Variants in SPOCK1 observed in about 807,000 individuals in gnomAD.
The protein encoded by SPOCK1 is SPARC (osteonectin), cwcv and kazal like domains proteoglycan 1.
In SPOCK1, 23 loss-of-function variants were observed where a neutral mutation model predicts 55.3. The observed-to-expected ratio is 0.42, with a 90% confidence interval of 0.30 to 0.59. The LOEUF (loss-of-function observed/expected upper bound fraction) is 0.59. Ranked by LOEUF, SPOCK1 falls within the 20% of genes least tolerant of loss-of-function variation. The probability of loss-of-function intolerance (pLI) is 0.22; values close to 1 mark genes in which losing one functional copy is unlikely to be tolerated. For missense variants in SPOCK1, 499 were observed against 552.5 expected, an observed-to-expected ratio of 0.90 and a Z score of 0.97; for synonymous variants, 226 against 221.0, an observed-to-expected ratio of 1.02 and a Z score of -0.20.
At chr5:137,042,147 A>G (rs1379236214) in intron 6 of SPOCK1, among the ~76,000 whole-genome samples, 1 of 152,196 alleles carries the variant, frequency 6.6e-6, no homozygotes, top group Non-Finnish European at 1.5e-5. Context: ...ATCAAACTAC[A>G]AAAAGACCTA....
chr5:137,427,453 T>G (rs753404070), intron 2 of SPOCK1, among the ~76,000 whole-genome samples: 19 of 152,164 alleles, frequency 1.2e-4, no homozygotes, highest in Non-Finnish European at 1.9e-4. Flanking sequence ...GCCAAGGGCA[T>G]GGGCAAGGGC....
intron 2 of SPOCK1, among the ~76,000 whole-genome samples, chr5:137,480,624 G>A (rs1561546806): frequency 6.6e-6 from 1 of 152,190 alleles, no homozygotes; most frequent in African/African-American, 2.4e-5. Context: ...AATGGCCCAT[G>A]AGTGTGACAG....
chr5:137,405,590 T>C (rs1041066186), intron 2 of SPOCK1, among the ~76,000 whole-genome samples: 1 of 152,144 alleles, frequency 6.6e-6, no homozygotes, highest in African/African-American at 2.4e-5. Context: ...TAGAGGGCTC[T>C]TCCTGTTTCT....
In SPOCK1 at chr5:136,985,832, A is replaced by C. The variant is rs150331846; in HGVS notation, c.929-630T>G. 3.0e-4 allele frequency among the ~76,000 whole-genome samples: 45 copies of C among 152,322 alleles called. No individual in the cohort carries two copies. The East Asian group carries it at 6.8e-3, about 23-fold the overall frequency. ...ATGTCATAGAAAAGAAGTTAGTTTC[A>C]TTCTAAGCAAAATGAAAAGTGACCT... On this transcript the variant is annotated intron_variant, in intron 8 of 10. Coordinates refer to ENST00000394945, the MANE Select transcript of SPOCK1 (RefSeq NM_004598.4).
At chr5:137,209,250 T>G (rs1561472244) in intron 3 of SPOCK1, among the ~76,000 whole-genome samples, 1 of 152,224 alleles carries the variant, frequency 6.6e-6, no homozygotes, top group Non-Finnish European at 1.5e-5. Flanking sequence ...CCACAAAGAC[T>G]GTTTTTACTA....
intron 5 of SPOCK1, among the ~76,000 whole-genome samples, chr5:137,104,950 T>G (rs546068816): frequency 5.4e-4 from 82 of 152,316 alleles, no homozygotes; most frequent in Middle Eastern, 3.4e-3. Flanking sequence ...GGAAAAAATG[T>G]CTTCCACAAA....
chr5:137,092,938 C>T (rs965996645), intron 5 of SPOCK1, among the ~76,000 whole-genome samples: 1 of 152,158 alleles, frequency 6.6e-6, no homozygotes, highest in Non-Finnish European at 1.5e-5. Context: ...TCTAGGGTAT[C>T]GCATGGCCAA....
intron 2 of SPOCK1, among the ~76,000 whole-genome samples, chr5:137,361,117 A>G (rs184709931): frequency 2.0e-4 from 31 of 152,296 alleles, no homozygotes; most frequent in African/African-American, 7.0e-4. Flanking sequence ...TCTCTTCTCT[A>G]CGTGAGGATA....
intron 4 of SPOCK1, among the ~76,000 whole-genome samples, chr5:137,129,626 G>A (rs1753837952): frequency 6.6e-6 from 1 of 152,198 alleles, no homozygotes; most frequent in South Asian, 2.1e-4. Flanking sequence ...AGGACTGGTT[G>A]AGTTGTGAGT....
Position 137,372,722 on chromosome 5 carries a change from T to C in SPOCK1, c.187-105667A>G, listed in dbSNP as rs532789209. On this transcript the variant is annotated intron_variant, in intron 2 of 10. Coordinates refer to ENST00000394945, the MANE Select transcript of SPOCK1 (RefSeq NM_004598.4). Reference sequence around the variant, plus strand: ...TGACAATGCTAAGCACAGAAAAATATGGAATAGAAGAGGAGCTAATACATA... The same window carrying C: ...TGACAATGCTAAGCACAGAAAAATACGGAATAGAAGAGGAGCTAATACATA... Among the ~76,000 whole-genome samples, 6 of 152,226 alleles carry C rather than the reference T, an allele frequency of 3.9e-5. No individual in the cohort carries two copies. In the East Asian group the frequency reaches 7.7e-4, roughly 20 times the overall value.
chr5:137,304,064 GGTT>G (rs1561498766), intron 2 of SPOCK1, among the ~76,000 whole-genome samples: 7,477 of 81,780 alleles, frequency 0.091, 635 homozygotes, highest in African/African-American at 0.33. Flanking sequence ...AAATGCAATG[GGTT>G]TTTTTTTTTT....
intron 3 of SPOCK1, among the ~76,000 whole-genome samples, chr5:137,208,252 G>A (rs940228218): frequency 2.0e-5 from 3 of 152,186 alleles, no homozygotes; most frequent in Non-Finnish European, 4.4e-5. Context: ...AGAGCAGGGA[G>A]CTCTGTGGAT....
intron 3 of SPOCK1, among the ~76,000 whole-genome samples, chr5:137,167,987 T>C (rs1051320573): frequency 6.6e-6 from 1 of 151,810 alleles, no homozygotes; most frequent in Non-Finnish European, 1.5e-5. Context: ...AGAGCATAAA[T>C]AAATGAAATT....
rs114233883 is a variant in SPOCK1, at chr5:137,364,419, T to C, written c.187-97364A>G. ...AGCTAAGTGACCTGATAGAAGAATC[T>C]GCACAAAGCCAAAGAAAAATGGAGT... On this transcript the variant is annotated intron_variant, in intron 2 of 10. Transcript: ENST00000394945. Among the ~76,000 whole-genome samples the C allele has an allele frequency of 3.7e-3, 561 of 152,290 alleles. 6 individuals are homozygous for C. Among genetic ancestry groups the C allele is most frequent in the African/African-American group, 0.013 (535 of 41,560 alleles).
At chr5:137,277,699 A>C (rs961461466) in intron 2 of SPOCK1, among the ~76,000 whole-genome samples, 3 of 152,186 alleles carry the variant, frequency 2.0e-5, no homozygotes, top group Admixed American at 2.0e-4. Context: ...CCTGCTTCAC[A>C]AGGTCTCTAA....
chr5:136,988,019 A>G (rs1750876407), intron 8 of SPOCK1, among the ~76,000 whole-genome samples: 1 of 152,210 alleles, frequency 6.6e-6, no homozygotes, highest in African/African-American at 2.4e-5. Flanking sequence ...AACTTATCCT[A>G]GAGAAACTGA....
intron 2 of SPOCK1, among the ~76,000 whole-genome samples, chr5:137,347,944 A>G (rs1211841436): frequency 2.0e-5 from 3 of 152,194 alleles, no homozygotes; most frequent in Non-Finnish European, 4.4e-5. Context: ...TCACCTGGCC[A>G]TCTTGTTAAA....
intron 2 of SPOCK1, among the ~76,000 whole-genome samples, chr5:137,363,454 C>T (rs1750992518): frequency 6.6e-6 from 1 of 152,224 alleles, no homozygotes; most frequent in East Asian, 1.9e-4. Context: ...ATTTACTGTA[C>T]TGAGTCACAG....
intron 2 of SPOCK1, among the ~76,000 whole-genome samples, chr5:137,484,668 C>G (rs1173955562): frequency 2.0e-5 from 3 of 152,144 alleles, no homozygotes; most frequent in Admixed American, 6.5e-5. Context: ...GCTGGCACAC[C>G]AAGCATTGCT....
Sources: allele counts gnomAD v4.1 joint callset (sites outside exome capture counted in the v4.1 genomes callset), GRCh38; gene constraint gnomAD v4.1.1; transcripts MANE v1.5; gene names NCBI Gene and HGNC (gene_info 2026-07-23, HGNC 2026-07-21).